NKD1: variants seen among roughly 807,000 people sequenced by gnomAD.
NKD1 encodes the protein protein naked cuticle homolog 1.
A neutral mutation model predicts 56.0 loss-of-function variants in NKD1; 21 were observed. The ratio of observed to expected loss-of-function variants is 0.38; its 90% CI spans 0.27 to 0.54. The LOEUF is 0.54. NKD1 is among the 20% of genes least tolerant of loss of function. NKD1 has a pLI of 0.82. For missense variants in NKD1, 578 were observed against 642.7 expected, an observed-to-expected ratio of 0.90 and a Z score of 1.09; for synonymous variants, 263 against 265.7, an observed-to-expected ratio of 0.99 and a Z score of 0.10.
rs192403649 is a variant in NKD1, at chr16:50,599,915, T to C, written c.193-8379T>C. On this transcript the variant is annotated intron_variant, in intron 3 of 9. Coordinates refer to ENST00000268459, the MANE Select transcript of NKD1 (RefSeq NM_033119.5). ...TGGTGTTGGTGTTTTGGGTTTTTTT[T>C]CCCCCATTAGTCATTTTTTCTCCAT... Among the ~76,000 whole-genome samples, 212 of 152,206 alleles carry C rather than the reference T, an allele frequency of 1.4e-3. 3 individuals carry two copies. The highest frequency in any genetic ancestry group is 4.4e-3 in the African/African-American group (182 of 41,510).
chr16:50,615,740 C>G (rs1471322258), intron 4 of NKD1, among the ~76,000 whole-genome samples: 3 of 152,170 alleles, frequency 2.0e-5, no homozygotes, highest in Non-Finnish European at 4.4e-5. Flanking sequence ...TCAGTTTCCT[C>G]TTTTGTACGA....
At position 50,633,560 on chromosome 16, in the gene NKD1, G is replaced by T; in HGVS notation, c.1192G>T (p.Gly398Trp). The change falls in exon 10 of 10, where the codon GGG becomes TGG. Residue 398 changes from glycine to tryptophan, a missense_variant. By Grantham distance (184) the Gly-to-Trp change is radical. Coordinates refer to ENST00000268459, the MANE Select transcript of NKD1 (RefSeq NM_033119.5). The surrounding 1 kb of genome is among the most constrained non-coding windows in gnomAD (Gnocchi z 4.9). Reference protein sequence around the residue: ...PALLPSLAPLGHKKHKHRAKE... With the variant: ...PALLPSLAPLWHKKHKHRAKE... ...CCTCCTCCCCTCCCTAGCCCCCCTC[G>T]GGCACAAGAAGCACAAGCACCGAGC... 1 of 1,611,118 alleles carries T rather than the reference G, an allele frequency of 6.2e-7. No homozygotes were observed.
chr16:50,568,288 A>C (rs1403234129), intron 3 of NKD1, among the ~76,000 whole-genome samples: 1 of 152,200 alleles, frequency 6.6e-6, no homozygotes, highest in Non-Finnish European at 1.5e-5. Flanking sequence ...CGTGGTTAGC[A>C]CTGGGCTTGA....
Position 50,633,107 on chromosome 16 carries a change from T to TG in NKD1, c.824-80dup. ...GGGGGTAGCTCTGGTTTTGGAGAACTGGGGGCGGGGGTGATGTCTGGGGTA... is the reference window on the plus strand; with the variant it reads ...GGGGGTAGCTCTGGTTTTGGAGAACTGGGGGGCGGGGGTGATGTCTGGGGTA... On this transcript the variant is annotated intron_variant, in intron 9 of 9. Coordinates refer to ENST00000268459, the MANE Select transcript of NKD1 (RefSeq NM_033119.5). This position sits in a 1 kb window ranked among gnomAD's most constrained non-coding sequence, Gnocchi z 4.9. 7.8e-7 allele frequency: 1 copy of TG among 1,274,924 alleles called. No homozygotes were observed. 79.0% of individuals were successfully genotyped at this position (1,274,924 alleles called of 1,614,324 possible). A position where few individuals can be genotyped will look rare whatever the true frequency, so the allele number is the denominator to read the frequency against.
At chr16:50,620,774 C>G (rs1382315280) in intron 4 of NKD1, among the ~76,000 whole-genome samples, 1 of 152,192 alleles carries the variant, frequency 6.6e-6, no homozygotes, top group Non-Finnish European at 1.5e-5. Flanking sequence ...CTACCCGGAG[C>G]TGGCATCCTC....
intron 3 of NKD1, among the ~76,000 whole-genome samples, chr16:50,588,025 G>A (rs1961267576): frequency 6.6e-6 from 1 of 152,204 alleles, no homozygotes. Context: ...GTGCCAAAAA[G>A]GTTGGGGATC....
At chr16:50,588,173 T>TA (rs1330534788) in intron 3 of NKD1, among the ~76,000 whole-genome samples, 2 of 152,224 alleles carry the variant, frequency 1.3e-5, no homozygotes, top group African/African-American at 4.8e-5. Flanking sequence ...AAGGAAAACT[T>TA]ACACCCTTCA....
intron 3 of NKD1, among the ~76,000 whole-genome samples, chr16:50,580,957 AT>A (rs1396775061): frequency 6.6e-6 from 1 of 152,232 alleles, no homozygotes; most frequent in Admixed American, 6.5e-5. Context: ...ATAGGAAACA[AT>A]TGCTATCAAA....
At chr16:50,618,264 CA>C (rs1348701441) in intron 4 of NKD1, among the ~76,000 whole-genome samples, 2 of 152,022 alleles carry the variant, frequency 1.3e-5, no homozygotes, top group African/African-American at 4.8e-5. Flanking sequence ...ATTAGGCCCC[CA>C]AAAGATAATT....
chr16:50,566,244 TC>T, intron 3 of NKD1: 1 of 907,268 alleles, frequency 1.1e-6, no homozygotes, highest in Non-Finnish European at 1.3e-6. Context: ...GGAGTGGACT[TC>T]AGTTACAGCT....
In NKD1 at chr16:50,608,326, C is replaced by G. The variant is rs1274532922; in HGVS notation, c.225C>G (p.Leu75=). ...ELVGDVLRDT[L]SEEEEDDFRL... is the part of the protein sequence containing the mutation. Reference sequence around the variant, plus strand: ...TGGGCGACGTGTTGAGAGACACGCTCAGCGAGGAAGAGGAGGACGACTTTC... The same window carrying G: ...TGGGCGACGTGTTGAGAGACACGCTGAGCGAGGAAGAGGAGGACGACTTTC... The change falls in exon 4 of 10, where the codon CTC becomes CTG. Residue 75 remains leucine, a synonymous_variant. Transcript: ENST00000268459. 2 of 1,613,554 alleles carry G rather than the reference C, an allele frequency of 1.2e-6. No individual in the cohort carries two copies. The highest frequency in any genetic ancestry group is 1.7e-6 in the Non-Finnish European group (2 of 1,179,766).
intron 4 of NKD1, among the ~76,000 whole-genome samples, 171 bp from the exon 5 acceptor site, chr16:50,621,431 C>T (rs1194081589): frequency 6.6e-6 from 1 of 152,188 alleles, no homozygotes; most frequent in Non-Finnish European, 1.5e-5. Context: ...CCAGGCAGTA[C>T]CAGGTGCCAG....
intron 3 of NKD1, among the ~76,000 whole-genome samples, chr16:50,590,520 T>C (rs1300180229): frequency 6.6e-6 from 1 of 152,262 alleles, no homozygotes; most frequent in African/African-American, 2.4e-5. Flanking sequence ...CAAGCATTTA[T>C]ATGGTGCTTC....
chr16:50,568,550 C>A (rs1409668457), intron 3 of NKD1, among the ~76,000 whole-genome samples: 2 of 152,172 alleles, frequency 1.3e-5, no homozygotes, highest in Non-Finnish European at 2.9e-5. Context: ...CTATGGTGAT[C>A]GTTGGCAGCG....
chr16:50,588,846 C>G (rs1596723410), intron 3 of NKD1, among the ~76,000 whole-genome samples: 1 of 152,034 alleles, frequency 6.6e-6, no homozygotes, highest in Non-Finnish European at 1.5e-5. Flanking sequence ...TCAAGGGATC[C>G]ACCTGCCTCA....
rs150700326 is a variant in NKD1, at chr16:50,616,159, C to T, written c.260-5443C>T. The T allele has an allele frequency of 8.0e-4, 352 of 438,240 alleles. 3 individuals carry two copies. The East Asian group carries it at 0.025, about 31-fold the overall frequency. 27.1% of individuals were successfully genotyped at this position (438,240 alleles called of 1,614,324 possible). A position where few individuals can be genotyped will look rare whatever the true frequency, so the allele number is the denominator to read the frequency against. Reference sequence around the variant, plus strand: ...GATTGAGAAAGGACTGTGGATATGTCAGGGCGAGCATCCAGACTCTAGCAA... The same window carrying T: ...GATTGAGAAAGGACTGTGGATATGTTAGGGCGAGCATCCAGACTCTAGCAA... On this transcript the variant is annotated intron_variant, in intron 4 of 9. Coordinates refer to ENST00000268459, the MANE Select transcript of NKD1 (RefSeq NM_033119.5).
intron 3 of NKD1, among the ~76,000 whole-genome samples, chr16:50,576,785 T>C (rs1023337043): frequency 2.0e-5 from 3 of 150,818 alleles, no homozygotes; most frequent in African/African-American, 4.9e-5. Flanking sequence ...TAAAAACTCA[T>C]TTTGGGAAAA....
chr16:50,612,946 G>A (rs995998730), intron 4 of NKD1, among the ~76,000 whole-genome samples: 2 of 152,144 alleles, frequency 1.3e-5, no homozygotes, highest in African/African-American at 4.8e-5. Context: ...GAAACCAGGA[G>A]GTGACTGCAG....
At chr16:50,582,725 G>A (rs1018894646) in intron 3 of NKD1, among the ~76,000 whole-genome samples, 1 of 152,246 alleles carries the variant, frequency 6.6e-6, no homozygotes, top group Non-Finnish European at 1.5e-5. Context: ...ATGCATTATT[G>A]TGGCCAGGCG....
Sources: allele counts gnomAD v4.1 joint callset (sites outside exome capture counted in the v4.1 genomes callset), GRCh38; gene constraint gnomAD v4.1.1; non-coding constraint Gnocchi (gnomAD v3.1); transcripts MANE v1.5; gene names NCBI Gene and HGNC (gene_info 2026-07-23, HGNC 2026-07-21).